PRKAR1B: variants seen among roughly 807,000 people sequenced by gnomAD.
PRKAR1B encodes the protein cAMP-dependent protein kinase type I-beta regulatory subunit.
PRKAR1B carries 22 observed loss-of-function variants against 46.5 expected under a neutral mutation model. The ratio of observed to expected loss-of-function variants is 0.47; its 90% CI spans 0.34 to 0.68. PRKAR1B has a LOEUF of 0.68. Ranked by LOEUF, PRKAR1B falls within the 30% of genes least tolerant of loss-of-function variation. The probability of loss-of-function intolerance (pLI) is 0.01; values close to 1 mark genes in which losing one functional copy is unlikely to be tolerated. For missense variants in PRKAR1B, 445 were observed against 535.6 expected (o/e 0.83, Z 1.67); for synonymous variants, 259 against 217.7 (o/e 1.19, Z -1.67).
intron 4 of PRKAR1B, among the ~76,000 whole-genome samples, chr7:638,113 C>G (rs919025132): frequency 2.6e-5 from 4 of 152,232 alleles, no homozygotes; most frequent in African/African-American, 9.6e-5. Context: ...GGCCCAGGCC[C>G]GCGTGGGCAC....
At chr7:695,098 C>T (rs1779656018) in intron 2 of PRKAR1B, among the ~76,000 whole-genome samples, 1 of 151,964 alleles carries the variant, frequency 6.6e-6, no homozygotes, top group South Asian at 2.1e-4. Flanking sequence ...AAAATGTAGT[C>T]GGGACAGAAG....
intron 2 of PRKAR1B, among the ~76,000 whole-genome samples, chr7:702,497 G>A (rs914658086): frequency 3.9e-5 from 6 of 152,128 alleles, no homozygotes; most frequent in African/African-American, 1.4e-4. Flanking sequence ...GATTTGCAAA[G>A]GGAAACCAGA....
At chr7:613,849 TTC>T (rs1205085339) in intron 4 of PRKAR1B, among the ~76,000 whole-genome samples, 1 of 152,182 alleles carries the variant, frequency 6.6e-6, no homozygotes, top group African/African-American at 2.4e-5. Flanking sequence ...CTGAGAATGT[TTC>T]CAGAAACCCC....
intron 4 of PRKAR1B, among the ~76,000 whole-genome samples, chr7:653,862 CCAA>C (rs1336356450): frequency 2.0e-5 from 3 of 151,950 alleles, no homozygotes; most frequent in Admixed American, 6.6e-5. Context: ...ACCATCATCA[CCAA>C]CATCACCATC....
At chr7:706,120 G>C (rs895499504) in intron 2 of PRKAR1B, among the ~76,000 whole-genome samples, 12 of 152,060 alleles carry the variant, frequency 7.9e-5, no homozygotes, top group African/African-American at 2.9e-4. Flanking sequence ...GAGCTCAGGA[G>C]TTCAAGACCA....
At chr7:723,805 C>T (rs1208495205) in intron 1 of PRKAR1B, among the ~76,000 whole-genome samples, 1 of 152,168 alleles carries the variant, frequency 6.6e-6, no homozygotes, top group Non-Finnish European at 1.5e-5. Context: ...CCCCTGTGAC[C>T]AGGGTCAGCC....
chr7:648,290 T>C (rs1159335709), intron 4 of PRKAR1B, among the ~76,000 whole-genome samples: 1 of 152,032 alleles, frequency 6.6e-6, no homozygotes, highest in Non-Finnish European at 1.5e-5. Flanking sequence ...TTAACTGCCC[T>C]TCTCTCTTTT....
chr7:636,582 C>T (rs1288858273), intron 4 of PRKAR1B, among the ~76,000 whole-genome samples: 1 of 152,224 alleles, frequency 6.6e-6, no homozygotes, highest in Non-Finnish European at 1.5e-5. Flanking sequence ...ATGGTCCTTT[C>T]TGACAGCCAA....
chr7:692,578 A>G (rs1399957439), intron 2 of PRKAR1B, among the ~76,000 whole-genome samples: 1 of 152,154 alleles, frequency 6.6e-6, no homozygotes, highest in African/African-American at 2.4e-5. Flanking sequence ...GAAGCCAGGG[A>G]GTTGAGAGAG....
intron 2 of PRKAR1B, among the ~76,000 whole-genome samples, chr7:692,428 C>CAGAGAG (rs138479588): frequency 0.032 from 4,704 of 148,524 alleles, 275 homozygotes; most frequent in African/African-American, 0.11. Flanking sequence ...GACAGAGAGA[C>CAGAGAG]AGAGAGAGAG....
chr7:709,107 CTA>C (rs1491504324), intron 2 of PRKAR1B, among the ~76,000 whole-genome samples: 1 of 17,950 alleles, frequency 5.6e-5, no homozygotes, highest in Non-Finnish European at 9.2e-5. Context: ...ATATTTAATA[CTA>C]AAAAAAAAAA....
At position 699,901 on chromosome 7, in the gene PRKAR1B, A is replaced by AT. The variant is rs1273458647; in HGVS notation, c.177+11427dup. Among the ~76,000 whole-genome samples the AT allele has an allele frequency of 2.6e-5, 4 of 152,310 alleles. No individual in the cohort carries two copies. In the East Asian group the frequency reaches 7.7e-4, roughly 29 times the overall value. The stretch of plus-strand genomic sequence containing the variant: ...TGGAAGATGGCTCCAGCTGTGACTG[A>AT]TATGGAAAATGGAGCTCGAGGCCCG... On this transcript the variant is annotated intron_variant, in intron 2 of 10. Transcript: ENST00000537384.
intron 4 of PRKAR1B, among the ~76,000 whole-genome samples, chr7:627,029 C>G (rs907559980): frequency 6.6e-6 from 1 of 152,182 alleles, no homozygotes; most frequent in African/African-American, 2.4e-5. Context: ...CACCCGCCAC[C>G]ACGCCCAACT....
intron 4 of PRKAR1B, among the ~76,000 whole-genome samples, chr7:615,889 GAA>G (rs1196985737): frequency 1.4e-5 from 2 of 147,576 alleles, no homozygotes; most frequent in Non-Finnish European, 3.0e-5. Flanking sequence ...AAGGGAGAGA[GAA>G]AGAGAAAAAA....
At chr7:551,258 TG>T in intron 10 of PRKAR1B, 130 bp downstream of exon 10, 2 of 848,210 alleles carry the variant, frequency 2.4e-6, no homozygotes, top group Non-Finnish European at 3.7e-6. Flanking sequence ...GCAGCCACAC[TG>T]GGGCTCAGCC....
At chr7:628,920 G>T (rs1321097993) in intron 4 of PRKAR1B, among the ~76,000 whole-genome samples, 1 of 152,120 alleles carries the variant, frequency 6.6e-6, no homozygotes, top group Non-Finnish European at 1.5e-5. Context: ...GGGTGGAGGT[G>T]CCTGCTCTGC....
At chr7:601,061 T>C (rs561192832) in intron 6 of PRKAR1B, among the ~76,000 whole-genome samples, 75 of 152,214 alleles carry the variant, frequency 4.9e-4, no homozygotes, top group African/African-American at 1.8e-3. Context: ...CCTGCAGAAG[T>C]GGGTGACGTC....
intron 9 of PRKAR1B, among the ~76,000 whole-genome samples, chr7:570,671 T>G (rs1779453410): frequency 6.6e-6 from 1 of 152,274 alleles, no homozygotes; most frequent in South Asian, 2.1e-4. Context: ...CTCCCTCCTC[T>G]GCAAATCAGC....
chr7:575,622 T>G (rs1779774359), intron 9 of PRKAR1B, among the ~76,000 whole-genome samples: 1 of 152,082 alleles, frequency 6.6e-6, no homozygotes, highest in East Asian at 1.9e-4. Flanking sequence ...CATAGCTCAC[T>G]GTAGCCTTGA....
Sources: gnomAD v4.1 joint callset for allele counts (sites outside exome capture counted in the v4.1 genomes callset) on GRCh38, gnomAD v4.1.1 for gene constraint, MANE v1.5 for transcripts, NCBI Gene and HGNC (gene_info 2026-07-23, HGNC 2026-07-21) for gene names.